ZMYM2: variants seen among roughly 807,000 people sequenced by gnomAD.
ZMYM2 encodes zinc finger MYM-type protein 2.
ZMYM2 carries 56 observed loss-of-function variants against 162.8 expected under a neutral mutation model. That is an observed-to-expected ratio of 0.34 (90% CI 0.28 to 0.43). The LOEUF (loss-of-function observed/expected upper bound fraction) is 0.43, where lower values mean the gene tolerates loss of function less well. ZMYM2 is among the 20% of genes least tolerant of loss of function. ZMYM2 has a pLI of 1.00. For missense variants in ZMYM2, 1,275 were observed against 1,621.8 expected (o/e 0.79, Z 3.67); for synonymous variants, 510 against 541.6 (o/e 0.94, Z 0.81).
At chr13:19,876,488 A>T in the ZMYM2 span, among the ~76,000 whole-genome samples, 1 of 152,044 alleles carries the variant, frequency 6.6e-6, no homozygotes, top group Admixed American at 6.6e-5. Context: ...ACACTGGCTA[A>T]GTTTTTATAT....
intron 3 of ZMYM2, among the ~76,000 whole-genome samples, chr13:19,996,072 C>CTATGTGTG (rs60912894): frequency 6.6e-6 from 1 of 151,908 alleles, no homozygotes; most frequent in Admixed American, 6.6e-5. Context: ...CCCAATTCCT[C>CTATGTGTG]TGTGTGTGTG....
chr13:20,018,442 T>C (rs557153650), intron 6 of ZMYM2, among the ~76,000 whole-genome samples: 37 of 152,320 alleles, frequency 2.4e-4, no homozygotes, highest in African/African-American at 7.2e-4. Flanking sequence ...CTTCTTTCTC[T>C]GCAACCTGGG....
At chr13:19,876,670 TTAAC>T in the ZMYM2 span, among the ~76,000 whole-genome samples, 4 of 152,152 alleles carry the variant, frequency 2.6e-5, no homozygotes, top group Non-Finnish European at 5.9e-5. Flanking sequence ...ATTTACCCTA[TTAAC>T]TATTTTTAAG....
chr13:19,992,659 A>C (rs932223780), intron 2 of ZMYM2, among the ~76,000 whole-genome samples: 1 of 150,912 alleles, frequency 6.6e-6, no homozygotes, highest in South Asian at 2.1e-4. Context: ...TGAAGTAATT[A>C]TTTTTTGTCA....
chr13:19,886,817 T>C, the ZMYM2 span, among the ~76,000 whole-genome samples: 1 of 149,466 alleles, frequency 6.7e-6, no homozygotes, highest in Non-Finnish European at 1.5e-5. Flanking sequence ...GCCCGGTTAA[T>C]TTTTTTTTTA....
intron 12 of ZMYM2, among the ~76,000 whole-genome samples, chr13:20,046,617 GTGTATATATA>G (rs1448744271): frequency 0.011 from 564 of 52,006 alleles, 7 homozygotes; most frequent in African/African-American, 0.043. Context: ...GTATATATAT[GTGTATATATA>G]TGTGTATATA....
the ZMYM2 span, among the ~76,000 whole-genome samples, chr13:19,870,595 C>CCTTCCTTCCTTCCTTCCTTTCTTT: frequency 4.9e-5 from 7 of 142,818 alleles, no homozygotes; most frequent in African/African-American, 1.6e-4. Flanking sequence ...TTCCTTCCTT[C>CCTTCCTTCCTTCCTTCCTTTCTTT]CTTTCTTTCT....
intron 21 of ZMYM2, among the ~76,000 whole-genome samples, chr13:20,074,235 TGTGA>T (rs1469870456): frequency 0.019 from 2,744 of 145,566 alleles, 33 homozygotes; most frequent in Non-Finnish European, 0.03. Flanking sequence ...TGTGTGTGTG[TGTGA>T]GAGAGACAGA....
At chr13:20,028,262 A>T (rs1021736610) in intron 9 of ZMYM2, among the ~76,000 whole-genome samples, 3 of 152,146 alleles carry the variant, frequency 2.0e-5, no homozygotes, top group African/African-American at 7.2e-5. Flanking sequence ...AGAAGTTGGG[A>T]TCATGGCCAT....
the ZMYM2 span, among the ~76,000 whole-genome samples, chr13:19,937,385 G>T: frequency 6.6e-6 from 1 of 150,868 alleles, no homozygotes; most frequent in Non-Finnish European, 1.5e-5. Context: ...TGATCCGCCC[G>T]CCTCAGCCTC....
the ZMYM2 span, among the ~76,000 whole-genome samples, chr13:19,876,334 C>A: frequency 6.9e-6 from 1 of 145,438 alleles, no homozygotes; most frequent in African/African-American, 2.6e-5. Context: ...GGCTCTTTTA[C>A]TTTTTTGAGA....
chr13:19,931,748 A>T, the ZMYM2 span, among the ~76,000 whole-genome samples: 1 of 152,130 alleles, frequency 6.6e-6, no homozygotes, highest in East Asian at 1.9e-4. Context: ...CTCAGCCTAC[A>T]AAGTAGTTGG....
intron 2 of ZMYM2, among the ~76,000 whole-genome samples, chr13:19,963,548 A>G (rs778347089): frequency 5.3e-5 from 8 of 152,040 alleles, no homozygotes; most frequent in Admixed American, 2.6e-4. Flanking sequence ...GCACATTTTT[A>G]TATTTACAAC....
At chr13:19,908,756 A>G in the ZMYM2 span, among the ~76,000 whole-genome samples, 1 of 152,230 alleles carries the variant, frequency 6.6e-6, no homozygotes, top group Non-Finnish European at 1.5e-5. Flanking sequence ...GTCTGGCTCA[A>G]TATAAGAAAG....
At chr13:20,063,085 C>T in intron 18 of ZMYM2, 114 bp downstream of exon 18, 3 of 1,260,414 alleles carry the variant, frequency 2.4e-6, no homozygotes, top group Non-Finnish European at 3.1e-6. Context: ...ATTTTTTATT[C>T]TTGTTATTTT....
the ZMYM2 span, among the ~76,000 whole-genome samples, chr13:19,893,301 A>T: frequency 6.6e-6 from 1 of 151,656 alleles, no homozygotes; most frequent in African/African-American, 2.4e-5. Context: ...AACATAAACT[A>T]ATTAAAAAAA....
At chr13:19,903,356 T>G in the ZMYM2 span, among the ~76,000 whole-genome samples, 1 of 150,458 alleles carries the variant, frequency 6.6e-6, no homozygotes, top group Non-Finnish European at 1.5e-5. Context: ...ATAAAAAAAT[T>G]TGGCTGGGCG....
At chr13:19,986,575 GA>G (rs951930078) in intron 2 of ZMYM2, among the ~76,000 whole-genome samples, 14 of 150,832 alleles carry the variant, frequency 9.3e-5, no homozygotes, top group African/African-American at 2.9e-4. Flanking sequence ...AAATAAATTT[GA>G]AAAAAAAATT....
rs1958234335 is a variant in ZMYM2, at chr13:20,085,870, A to G, written c.3990A>G (p.Glu1330=). ...QRMDVFYLQP[E]CSSSTDSPVW... ...TGGATGTTTTTTATTTGCAACCAGA[A>G]TGCTCTAGTTCTACAGATAGCCCTG... Residue 1330 remains glutamate, a synonymous_variant, in exon 25 of 25, where the codon GAA becomes GAG. Coordinates refer to ENST00000610343, the MANE Select transcript of ZMYM2 (RefSeq NM_197968.4). 4 of 1,612,778 alleles carry G rather than the reference A, an allele frequency of 2.5e-6. No individual in the cohort carries two copies. Among genetic ancestry groups the G allele is most frequent in the African/African-American group, 1.3e-5 (1 of 74,906 alleles).
Sources: allele counts gnomAD v4.1 joint callset (sites outside exome capture counted in the v4.1 genomes callset), GRCh38; gene constraint gnomAD v4.1.1; transcripts MANE v1.5; gene names NCBI Gene and HGNC (gene_info 2026-07-23, HGNC 2026-07-21).